The following ARMC9 variants were observed in gnomAD, a reference collection of about 807,000 sequenced individuals.
ARMC9 encodes the protein armadillo repeat containing 9.
ARMC9 carries 94 observed loss-of-function variants against 107.0 expected under a neutral mutation model. That is an observed-to-expected ratio of 0.88 (90% CI 0.74 to 1.04). The LOEUF (loss-of-function observed/expected upper bound fraction) is 1.04, where lower values mean the gene tolerates loss of function less well. Ranked by LOEUF, ARMC9 falls within the 50% of genes least tolerant of loss-of-function variation. The pLI is 0.00. For missense variants in ARMC9, 942 were observed against 1,030.1 expected (o/e 0.91, Z 1.17); for synonymous variants, 380 against 396.9 (o/e 0.96, Z 0.51).
At chr2:231,218,498 A>G (rs941338326) in intron 5 of ARMC9, among the ~76,000 whole-genome samples, 3 of 152,316 alleles carry the variant, frequency 2.0e-5, no homozygotes, top group Admixed American at 6.5e-5. Flanking sequence ...AGTGGCATAG[A>G]TAAAGCTTGG....
intron 19 of ARMC9, among the ~76,000 whole-genome samples, chr2:231,306,535 CATTAGTGCTATA>C (rs1275206819): frequency 1.3e-5 from 2 of 152,152 alleles, no homozygotes; most frequent in Non-Finnish European, 2.9e-5. Context: ...CTGTTGGTCA[CATTAGTGCTATA>C]ATGGAATTGT....
chr2:231,268,026 A>C (rs2039003076), intron 12 of ARMC9, among the ~76,000 whole-genome samples: 1 of 152,248 alleles, frequency 6.6e-6, no homozygotes. Flanking sequence ...TACCTTGAGC[A>C]ATGAGAAGGA....
rs1488832465 is a variant in ARMC9, at chr2:231,355,885, C to T, written c.2082C>T (p.Val694=). 6.5e-7 allele frequency: 1 copy of T among 1,536,118 alleles called. No homozygotes were observed. The highest frequency in any genetic ancestry group is 8.7e-7 in the Non-Finnish European group (1 of 1,146,904). The change falls in exon 22 of 25, where the codon GTC becomes GTT. Residue 694 remains valine, a synonymous_variant. Coordinates refer to ENST00000611582, the MANE Select transcript of ARMC9 (RefSeq NM_001352754.2). The part of the protein sequence containing the change: ...PQALPAAHEA[V]YREGKPSTPE... ...CCCTGCCAGCCGCTCACGAGGCTGT[C>T]TACAGGGAGGGCAAGCCCAGCACCC...
chr2:231,258,538 A>G (rs2038049559), intron 10 of ARMC9, among the ~76,000 whole-genome samples: 1 of 152,150 alleles, frequency 6.6e-6, no homozygotes, highest in African/African-American at 2.4e-5. Flanking sequence ...CCCCCGGTCC[A>G]GTAGCTCAGG....
intron 19 of ARMC9, among the ~76,000 whole-genome samples, chr2:231,300,546 TCTC>T (rs1379629509): frequency 1.3e-5 from 2 of 152,180 alleles, no homozygotes; most frequent in Admixed American, 6.5e-5. Flanking sequence ...TGTTCAGTCA[TCTC>T]CTCTTCTTAG....
At chr2:231,291,708 A>G (rs1394835172) in intron 18 of ARMC9, among the ~76,000 whole-genome samples, 2 of 152,076 alleles carry the variant, frequency 1.3e-5, no homozygotes, top group East Asian at 1.9e-4. Context: ...CCAGCTACTC[A>G]GGAGGCTGAG....
chr2:231,374,548 AAAT>A lies in ARMC9; in HGVS notation c.*3019_*3021del, dbSNP rs1163510343. 6.6e-6 allele frequency: 1 copy of A among 151,878 alleles called. No individual in the cohort carries two copies. The highest frequency in any genetic ancestry group is 1.5e-5 in the Non-Finnish European group (1 of 67,990). 9.4% of individuals were successfully genotyped at this position (151,878 alleles called of 1,614,324 possible). A position where few individuals can be genotyped will look rare whatever the true frequency, so the allele number is the denominator to read the frequency against. ...GCCCAAATCAAAAGAGCTAAAAAAA[AAAT>A]AATAAAATAAAAATAAAAATAAAAT... On this transcript the variant is annotated 3_prime_UTR_variant, in exon 25 of 25. Coordinates refer to ENST00000611582, the MANE Select transcript of ARMC9 (RefSeq NM_001352754.2).
At chr2:231,254,812 A>G (rs948861521) in intron 9 of ARMC9, among the ~76,000 whole-genome samples, 1 of 152,126 alleles carries the variant, frequency 6.6e-6, no homozygotes, top group Non-Finnish European at 1.5e-5. Context: ...TTCAGCAATA[A>G]ATGGCATTTC....
chr2:231,241,668 A>G (rs2036315892), intron 9 of ARMC9, among the ~76,000 whole-genome samples: 1 of 152,186 alleles, frequency 6.6e-6, no homozygotes, highest in Non-Finnish European at 1.5e-5. Context: ...GTAGATTTGA[A>G]GAAGTTTATT....
intron 17 of ARMC9, chr2:231,288,652 C>T (rs1248565430): frequency 4.2e-6 from 2 of 471,012 alleles, no homozygotes; most frequent in Admixed American, 2.4e-5. Context: ...TCATTTAATC[C>T]CTCAAAGGTC....
intron 17 of ARMC9, among the ~76,000 whole-genome samples, chr2:231,283,317 G>A (rs1197676838): frequency 1.3e-5 from 2 of 152,116 alleles, no homozygotes; most frequent in Non-Finnish European, 2.9e-5. Context: ...AAATACAAAC[G>A]TAACAGTAAG....
intron 3 of ARMC9, 57 bp downstream of exon 3, chr2:231,208,309 G>A: frequency 7.3e-7 from 1 of 1,370,504 alleles, no homozygotes; most frequent in Non-Finnish European, 1.0e-6. Flanking sequence ...CCCAACTTGT[G>A]GAAAATGCTG....
At chr2:231,337,184 C>T (rs1025054094) in intron 20 of ARMC9, among the ~76,000 whole-genome samples, 2 of 150,646 alleles carry the variant, frequency 1.3e-5, no homozygotes, top group African/African-American at 4.9e-5. Flanking sequence ...TTATTCCTGC[C>T]CTGTGTGACT....
chr2:231,338,369 C>T (rs912893390), intron 20 of ARMC9, among the ~76,000 whole-genome samples: 1 of 151,704 alleles, frequency 6.6e-6, no homozygotes, highest in Non-Finnish European at 1.5e-5. Flanking sequence ...GGACTACAGG[C>T]GTATGTGCCA....
intron 17 of ARMC9, among the ~76,000 whole-genome samples, chr2:231,290,512 C>T (rs1287319897): frequency 6.6e-6 from 1 of 152,164 alleles, no homozygotes; most frequent in African/African-American, 2.4e-5. Flanking sequence ...GTTTTGAGAT[C>T]ATTATTAGAA....
At chr2:231,261,556 C>G (rs1216239147) in intron 11 of ARMC9, among the ~76,000 whole-genome samples, 1 of 152,204 alleles carries the variant, frequency 6.6e-6, no homozygotes, top group Admixed American at 6.5e-5. Flanking sequence ...CCACTGAGCC[C>G]ACTCCACTGT....
intron 21 of ARMC9, among the ~76,000 whole-genome samples, chr2:231,345,766 A>ACCT (rs1252351679): frequency 1.3e-5 from 2 of 152,122 alleles, no homozygotes; most frequent in African/African-American, 4.8e-5. Context: ...CAGGCTAAAA[A>ACCT]CCTCCATATA....
intron 22 of ARMC9, among the ~76,000 whole-genome samples, chr2:231,359,553 C>T (rs1426334330): frequency 6.6e-6 from 1 of 152,146 alleles, no homozygotes; most frequent in Non-Finnish European, 1.5e-5. Context: ...GCTCACACCC[C>T]CTGGGAAGCT....
chr2:231,309,926 A>G (rs74508118), intron 19 of ARMC9, among the ~76,000 whole-genome samples: 4,571 of 152,196 alleles, frequency 0.03, 133 homozygotes, highest in African/African-American at 0.075. Context: ...GCCATTTTAT[A>G]TCTAAATTCT....
Sources: gnomAD v4.1 joint callset for allele counts (sites outside exome capture counted in the v4.1 genomes callset) on GRCh38, gnomAD v4.1.1 for gene constraint, MANE v1.5 for transcripts, NCBI Gene and HGNC (gene_info 2026-07-23, HGNC 2026-07-21) for gene names.